Variants in GRIA4 observed in about 807,000 individuals in gnomAD.
GRIA4 encodes the protein glutamate receptor 4.
Under a neutral mutation model 104.0 loss-of-function variants are expected in GRIA4, and 34 were observed. The observed-to-expected ratio is 0.33, with a 90% CI of 0.25 to 0.44. The LOEUF (loss-of-function observed/expected upper bound fraction) is 0.44, where lower values mean the gene tolerates loss of function less well. GRIA4 is among the 20% of genes least tolerant of loss of function. The pLI, the probability that GRIA4 is intolerant of heterozygous loss-of-function variation, is 1.00. For synonymous variants in GRIA4, 386 were observed against 381.9 expected, an observed-to-expected ratio of 1.01 and a Z score of -0.13; for missense variants, 750 against 1,096.5, an observed-to-expected ratio of 0.68 and a Z score of 4.46.
intron 4 of GRIA4, among the ~76,000 whole-genome samples, chr11:105,811,571 T>C (rs1943174569): frequency 6.6e-6 from 1 of 152,138 alleles, no homozygotes. Flanking sequence ...TCTACATGTT[T>C]TAATGTTTTG....
At chr11:105,639,914 G>T (rs896836796) in intron 3 of GRIA4, among the ~76,000 whole-genome samples, 1 of 151,712 alleles carries the variant, frequency 6.6e-6, no homozygotes, top group Non-Finnish European at 1.5e-5. Flanking sequence ...CTTAATTTCC[G>T]CTGAAATATG....
intron 3 of GRIA4, among the ~76,000 whole-genome samples, chr11:105,621,710 C>T (rs1047352330): frequency 5.3e-5 from 8 of 151,710 alleles, no homozygotes; most frequent in African/African-American, 1.9e-4. Context: ...ACTATTCCTG[C>T]AAGATCAGTT....
At chr11:105,642,585 TCA>T (rs1951403400) in intron 3 of GRIA4, among the ~76,000 whole-genome samples, 1 of 139,062 alleles carries the variant, frequency 7.2e-6, no homozygotes, top group Non-Finnish European at 1.5e-5. Context: ...GCACCTCTTC[TCA>T]CACACTCATC....
At chr11:105,730,093 T>A (rs1938492891) in intron 3 of GRIA4, among the ~76,000 whole-genome samples, 1 of 152,160 alleles carries the variant, frequency 6.6e-6, no homozygotes, top group Admixed American at 6.6e-5. Flanking sequence ...TCAATTCATC[T>A]CTGTTTGCAG....
Position 105,974,317 on chromosome 11 carries a change from C to T in GRIA4, c.2417C>T (p.Thr806Met), listed in dbSNP as rs1858859120. Residue 806 changes from threonine (T) to methionine (M), a missense_variant, in exon 16 of 17, where the codon ACG becomes ATG. Coordinates refer to ENST00000282499, the MANE Select transcript of GRIA4 (RefSeq NM_000829.4). ...TGTCTTTATCCCCCCTAGGACAAGA[C>T]GAGTGCCTTGAGCCTGAGCAATGTA... ...GPKDSGSKDK[T>M]SALSLSNVAG... 4 of 1,613,720 alleles carry T rather than the reference C, an allele frequency of 2.5e-6. No homozygotes were observed. The highest frequency in any genetic ancestry group is 1.7e-5 in the Admixed American group (1 of 59,994).
intron 5 of GRIA4, among the ~76,000 whole-genome samples, chr11:105,870,290 T>G (rs974473589): frequency 6.6e-6 from 1 of 151,408 alleles, no homozygotes; most frequent in African/African-American, 2.4e-5. Context: ...TATAATTATA[T>G]AAATATTGTG....
chr11:105,614,038 T>G (rs1415267443), intron 3 of GRIA4: 1 of 151,920 alleles, frequency 6.6e-6, no homozygotes, highest in Non-Finnish European at 1.5e-5. Context: ...AGGAAAGCAT[T>G]CTTTTTAATA....
chr11:105,736,193 T>C (rs1158030826), intron 3 of GRIA4, among the ~76,000 whole-genome samples: 1 of 152,138 alleles, frequency 6.6e-6, no homozygotes, highest in African/African-American at 2.4e-5. Context: ...GTGGCACCCC[T>C]TGTAGTGGGG....
chr11:105,686,427 G>A lies in GRIA4; in HGVS notation c.248-66554G>A, dbSNP rs112896690. On this transcript the variant is annotated intron_variant, in intron 3 of 16. Transcript: ENST00000282499. ...CTTCATGCTTTTTTATGACTGTGTA[G>A]TATTCCATGCTGTATAGGTACCACA... Among the ~76,000 whole-genome samples, 81 of 152,286 alleles carry A rather than the reference G, an allele frequency of 5.3e-4. 3 individuals carry two copies. Among genetic ancestry groups the A allele is most frequent in the African/African-American group, 1.9e-3 (77 of 41,570 alleles).
intron 3 of GRIA4, among the ~76,000 whole-genome samples, chr11:105,691,464 G>A (rs1953079974): frequency 6.6e-6 from 1 of 152,074 alleles, no homozygotes; most frequent in Non-Finnish European, 1.5e-5. Flanking sequence ...ATTTTATAAA[G>A]GTATCTGGAT....
At chr11:105,774,507 A>T (rs1028026349) in intron 4 of GRIA4, among the ~76,000 whole-genome samples, 5 of 152,178 alleles carry the variant, frequency 3.3e-5, no homozygotes, top group African/African-American at 4.8e-5. Flanking sequence ...TTCAAAAGGC[A>T]AATATGTTTT....
intron 4 of GRIA4, among the ~76,000 whole-genome samples, chr11:105,756,224 C>T (rs1023299963): frequency 6.1e-4 from 93 of 152,240 alleles, no homozygotes; most frequent in African/African-American, 2.1e-3. Context: ...ATTAAAATTA[C>T]AGATACCAAC....
At chr11:105,944,398 A>G (rs976032439) in intron 14 of GRIA4, among the ~76,000 whole-genome samples, 4 of 152,076 alleles carry the variant, frequency 2.6e-5, no homozygotes, top group Non-Finnish European at 5.9e-5. Flanking sequence ...ACTCTCCTTC[A>G]TGTCTCACAG....
In GRIA4 at chr11:105,707,427, G is replaced by A. The variant is rs1953743079; in HGVS notation, c.248-45554G>A. On this transcript the variant is annotated intron_variant, in intron 3 of 16. Transcript: ENST00000282499. ...GAGCATCTGGGGAAACTTTTAGATG[G>A]AATACCTGTACTGAAAGTTCATGGG... 3 of 152,156 alleles carry A rather than the reference G, an allele frequency of 2.0e-5. No homozygotes were observed. In the South Asian group the frequency reaches 6.2e-4, roughly 32 times the overall value. 9.4% of individuals were successfully genotyped at this position (152,156 alleles called of 1,614,324 possible).
intron 5 of GRIA4, among the ~76,000 whole-genome samples, chr11:105,884,012 T>C (rs913489283): frequency 6.6e-6 from 1 of 152,126 alleles, no homozygotes; most frequent in African/African-American, 2.4e-5. Flanking sequence ...AAAACCACAA[T>C]GAGATACCAT....
At chr11:105,718,446 T>C (rs914223160) in intron 3 of GRIA4, among the ~76,000 whole-genome samples, 2 of 152,214 alleles carry the variant, frequency 1.3e-5, no homozygotes, top group African/African-American at 4.8e-5. Context: ...TGTGATGCTT[T>C]GCGTAAAGCA....
intron 6 of GRIA4, among the ~76,000 whole-genome samples, chr11:105,896,639 T>C (rs1367799343): frequency 6.6e-6 from 1 of 152,174 alleles, no homozygotes; most frequent in Non-Finnish European, 1.5e-5. Context: ...GGCCAGCCAG[T>C]TTCCCCAATA....
At chr11:105,853,965 A>C (rs1944914846) in intron 4 of GRIA4, among the ~76,000 whole-genome samples, 1 of 152,152 alleles carries the variant, frequency 6.6e-6, no homozygotes, top group African/African-American at 2.4e-5. Flanking sequence ...TCTGCTCCAA[A>C]GCTTCGAAGG....
At chr11:105,866,404 A>G (rs2136034733) in intron 5 of GRIA4, among the ~76,000 whole-genome samples, 1 of 151,718 alleles carries the variant, frequency 6.6e-6, no homozygotes, top group South Asian at 2.1e-4. Flanking sequence ...TTCATTCTAC[A>G]AACATTTGTT....
Sources: gnomAD v4.1 joint callset for allele counts (sites outside exome capture counted in the v4.1 genomes callset) on GRCh38, gnomAD v4.1.1 for gene constraint, MANE v1.5 for transcripts, NCBI Gene and HGNC (gene_info 2026-07-23, HGNC 2026-07-21) for gene names.